The following UNC5D variants were observed in gnomAD, a reference collection of about 807,000 sequenced individuals.
UNC5D encodes netrin receptor UNC5D.
In UNC5D, 39 loss-of-function variants were observed where a neutral mutation model predicts 105.4. The observed-to-expected ratio is 0.37, with a 90% CI of 0.29 to 0.48. The LOEUF (loss-of-function observed/expected upper bound fraction) is 0.48. UNC5D is among the 20% of genes least tolerant of loss of function. The pLI is 0.98. For synonymous variants in UNC5D, 452 were observed against 450.4 expected (o/e 1.00, Z -0.04); for missense variants, 991 against 1,202.4 (o/e 0.82, Z 2.60).
At chr8:35,682,518 GGTT>G (rs1290224375) in intron 4 of UNC5D, among the ~76,000 whole-genome samples, 20 of 152,186 alleles carry the variant, frequency 1.3e-4, no homozygotes, top group African/African-American at 4.1e-4. Context: ...AGAGCTGAAT[GGTT>G]GTTGTCAAAC....
At position 35,479,071 on chromosome 8, in the gene UNC5D, A is replaced by G. The variant is rs58012171; in HGVS notation, c.104-70221A>G. Among the ~76,000 whole-genome samples the G allele has an allele frequency of 9.6e-3, 1,455 of 152,290 alleles. 23 individuals are homozygous for G. The highest frequency in any genetic ancestry group is 0.033 in the African/African-American group (1,353 of 41,556). ...AGAAACATCTTCAGTACTGGATTGC[A>G]GCATTTTTCTTTTCTAACTGTTAAA... On this transcript the variant is annotated intron_variant, in intron 1 of 16. Transcript: ENST00000404895.
intron 1 of UNC5D, among the ~76,000 whole-genome samples, chr8:35,394,111 A>G (rs969334448): frequency 2.0e-4 from 31 of 152,106 alleles, no homozygotes; most frequent in African/African-American, 7.0e-4. Flanking sequence ...AACCTTTCCT[A>G]TGAAACCAAT....
At chr8:35,296,428 T>C (rs1206202451) in intron 1 of UNC5D, among the ~76,000 whole-genome samples, 1 of 152,216 alleles carries the variant, frequency 6.6e-6, no homozygotes, top group Non-Finnish European at 1.5e-5. Flanking sequence ...AAGAATCTTT[T>C]TTTTTGTTGA....
intron 1 of UNC5D, among the ~76,000 whole-genome samples, chr8:35,313,146 G>C (rs887284490): frequency 1.3e-5 from 2 of 152,176 alleles, no homozygotes; most frequent in African/African-American, 4.8e-5. Context: ...ACACACAATA[G>C]GTCATTAAGG....
intron 4 of UNC5D, among the ~76,000 whole-genome samples, chr8:35,606,590 G>A (rs1390402395): frequency 6.6e-6 from 1 of 151,894 alleles, no homozygotes. Context: ...CTCTCCCCTC[G>A]AGTAGACCCC....
chr8:35,394,963 T>C (rs1438446319), intron 1 of UNC5D, among the ~76,000 whole-genome samples: 1 of 152,158 alleles, frequency 6.6e-6, no homozygotes, highest in African/African-American at 2.4e-5. Flanking sequence ...ACCTAATACA[T>C]TTGTTGGATA....
chr8:35,627,323 C>T (rs530465646), intron 4 of UNC5D, among the ~76,000 whole-genome samples: 3 of 152,272 alleles, frequency 2.0e-5, no homozygotes, highest in East Asian at 1.9e-4. Context: ...TAATTAATCT[C>T]GTAATTTCTG....
chr8:35,494,300 A>C (rs1178418663), intron 1 of UNC5D, among the ~76,000 whole-genome samples: 1 of 152,188 alleles, frequency 6.6e-6, no homozygotes, highest in Non-Finnish European at 1.5e-5. Flanking sequence ...AAATGTTTCT[A>C]AATAACATGA....
intron 1 of UNC5D, among the ~76,000 whole-genome samples, chr8:35,364,988 C>T (rs1052552331): frequency 6.6e-6 from 1 of 152,164 alleles, no homozygotes. Context: ...TATCTCAACA[C>T]TTCAGTGTGG....
At chr8:35,778,971 C>T (rs556248170) in intron 16 of UNC5D, among the ~76,000 whole-genome samples, 2 of 152,276 alleles carry the variant, frequency 1.3e-5, no homozygotes, top group Admixed American at 6.5e-5. Flanking sequence ...GTGGCCTTGC[C>T]GCTTGCCTGG....
chr8:35,263,275 C>T (rs998228193), intron 1 of UNC5D, among the ~76,000 whole-genome samples: 51 of 152,210 alleles, frequency 3.4e-4, no homozygotes, highest in African/African-American at 1.2e-3. Context: ...TAAAATGTGG[C>T]ATTTAATTTA....
At chr8:35,378,351 T>C (rs1457528619) in intron 1 of UNC5D, among the ~76,000 whole-genome samples, 1 of 152,222 alleles carries the variant, frequency 6.6e-6, no homozygotes, top group Non-Finnish European at 1.5e-5. Flanking sequence ...GAGTGTCTGA[T>C]CTTCCACATG....
chr8:35,550,244 A>G (rs1334347393), intron 2 of UNC5D, among the ~76,000 whole-genome samples: 1 of 152,208 alleles, frequency 6.6e-6, no homozygotes, highest in East Asian at 1.9e-4. Flanking sequence ...CTTCTCGTAG[A>G]CAAGGAAACT....
chr8:35,636,261 T>A (rs1822367082), intron 4 of UNC5D, among the ~76,000 whole-genome samples: 1 of 152,204 alleles, frequency 6.6e-6, no homozygotes, highest in Non-Finnish European at 1.5e-5. Context: ...TAGTTTCTAG[T>A]AACTAAGCAT....
At chr8:35,707,558 A>G (rs2131462092) in intron 8 of UNC5D, among the ~76,000 whole-genome samples, 1 of 152,266 alleles carries the variant, frequency 6.6e-6, no homozygotes, top group African/African-American at 2.4e-5. Flanking sequence ...CCTCAGGATG[A>G]CAGGTGGAGT....
intron 11 of UNC5D, among the ~76,000 whole-genome samples, chr8:35,745,782 G>A (rs1003237605): frequency 6.6e-6 from 1 of 152,202 alleles, no homozygotes; most frequent in Admixed American, 6.5e-5. Context: ...ACACTAGGGT[G>A]TATGATACAT....
chr8:35,663,471 G>A lies in UNC5D; in HGVS notation c.571-20076G>A, dbSNP rs577244257. On this transcript the variant is annotated intron_variant, in intron 4 of 16. Coordinates refer to ENST00000404895, the MANE Select transcript of UNC5D (RefSeq NM_080872.4). ...GTTTGAGCCTTCTGGCTTAAAGGTA[G>A]CATGTGAGTGTTCATGTCCAGCTAA... Among the ~76,000 whole-genome samples the A allele has an allele frequency of 3.9e-5, 6 of 152,318 alleles. No individual in the cohort carries two copies. The South Asian group carries it at 1.0e-3, about 26-fold the overall frequency.
intron 4 of UNC5D, among the ~76,000 whole-genome samples, chr8:35,665,802 T>G (rs1824384469): frequency 6.6e-6 from 1 of 152,116 alleles, no homozygotes; most frequent in South Asian, 2.1e-4. Context: ...GGATATATAA[T>G]GTATACATTT....
At chr8:35,398,110 A>G (rs559586378) in intron 1 of UNC5D, among the ~76,000 whole-genome samples, 55 of 152,318 alleles carry the variant, frequency 3.6e-4, no homozygotes, top group African/African-American at 1.3e-3. Flanking sequence ...TTAATTTTTT[A>G]AAGCTTATTT....
Sources: gnomAD v4.1 joint callset for allele counts (sites outside exome capture counted in the v4.1 genomes callset) on GRCh38, gnomAD v4.1.1 for gene constraint, MANE v1.5 for transcripts, NCBI Gene and HGNC (gene_info 2026-07-23, HGNC 2026-07-21) for gene names.